Variants in BMPER observed in about 807,000 individuals in gnomAD.
BMPER encodes the protein BMP-binding endothelial regulator protein.
Under a neutral mutation model 87.3 loss-of-function variants are expected in BMPER, and 45 were observed. The observed-to-expected ratio is 0.52, with a 90% CI of 0.41 to 0.66. The LOEUF (loss-of-function observed/expected upper bound fraction) is 0.66, where lower values mean the gene tolerates loss of function less well. BMPER is among the 30% of genes least tolerant of loss of function. The pLI is 0.00. For missense variants in BMPER, 784 were observed against 867.5 expected (o/e 0.90, Z 1.21); for synonymous variants, 326 against 316.2 (o/e 1.03, Z -0.33).
intron 7 of BMPER, among the ~76,000 whole-genome samples, chr7:34,047,022 T>G (rs1787993500): frequency 1.3e-5 from 2 of 152,010 alleles, no homozygotes; most frequent in Non-Finnish European, 2.9e-5. Flanking sequence ...TATTATTAAT[T>G]TTATTATACT....
At chr7:33,912,876 CAAT>C (rs1257056788) in intron 2 of BMPER, among the ~76,000 whole-genome samples, 2 of 152,132 alleles carry the variant, frequency 1.3e-5, no homozygotes, top group Non-Finnish European at 2.9e-5. Flanking sequence ...GTTATAAATT[CAAT>C]AATATTATTC....
intron 13 of BMPER, among the ~76,000 whole-genome samples, chr7:34,122,878 G>A (rs1156609879): frequency 6.6e-6 from 1 of 152,170 alleles, no homozygotes; most frequent in African/African-American, 2.4e-5. Context: ...CGTTTGCAAA[G>A]GTCAGGGGGA....
chr7:33,935,049 T>C (rs1208783584), intron 2 of BMPER, among the ~76,000 whole-genome samples: 1 of 152,218 alleles, frequency 6.6e-6, no homozygotes, highest in Non-Finnish European at 1.5e-5. Flanking sequence ...GGAGAGATTA[T>C]TAATTTGTAA....
At chr7:33,905,303 C>A (rs574779300), upstream of BMPER, among the ~76,000 whole-genome samples, 209 of 151,954 alleles carry the variant, frequency 1.4e-3, 4 homozygotes, top group South Asian at 0.038. Context: ...TTCCTCCTGG[C>A]CCCCTCTCCG....
chr7:34,021,690 A>G (rs1787191726), intron 6 of BMPER, among the ~76,000 whole-genome samples: 1 of 152,034 alleles, frequency 6.6e-6, no homozygotes, highest in Non-Finnish European at 1.5e-5. Context: ...CCACTGGCTT[A>G]TATTCATGGG....
intron 6 of BMPER, among the ~76,000 whole-genome samples, chr7:34,035,666 CAAG>C (rs1787644180): frequency 6.6e-6 from 1 of 152,186 alleles, no homozygotes; most frequent in African/African-American, 2.4e-5. Context: ...GACAACCCAA[CAAG>C]AAGGTGTTTA....
At position 34,153,521 on chromosome 7, in the gene BMPER, T is replaced by C. The variant is rs553014198; in HGVS notation, c.*248T>C. 5 of 463,390 alleles carry C rather than the reference T, an allele frequency of 1.1e-5. No individual in the cohort carries two copies. Among genetic ancestry groups the C allele is most frequent in the Middle Eastern group, 6.1e-4 (1 of 1,652 alleles). 28.7% of individuals were successfully genotyped at this position (463,390 alleles called of 1,614,324 possible). A position where few individuals can be genotyped will look rare whatever the true frequency, so the allele number is the denominator to read the frequency against. Reference sequence around the variant, plus strand: ...TCTAGGATCCTAACCTGTAAGCCATTGAACATGTTGTATAAATACACCAGG... The same window carrying C: ...TCTAGGATCCTAACCTGTAAGCCATCGAACATGTTGTATAAATACACCAGG... On this transcript the variant is annotated 3_prime_UTR_variant, in exon 15 of 15. Transcript: ENST00000649409.
intron 13 of BMPER, among the ~76,000 whole-genome samples, chr7:34,129,631 AG>A (rs1790518126): frequency 8.1e-6 from 1 of 123,976 alleles, no homozygotes; most frequent in South Asian, 2.6e-4. Context: ...AGAGAAAGAG[AG>A]AAAGAAAGAA....
chr7:34,151,094 C>T (rs1463971117), intron 14 of BMPER, among the ~76,000 whole-genome samples: 1 of 152,106 alleles, frequency 6.6e-6, no homozygotes, highest in Non-Finnish European at 1.5e-5. Context: ...GATCAAGGCA[C>T]TGGAGTCCAC....
intron 8 of BMPER, among the ~76,000 whole-genome samples, 156 bp downstream of exon 8, chr7:34,052,126 G>A (rs1049320334): frequency 3.3e-5 from 5 of 152,272 alleles, no homozygotes; most frequent in African/African-American, 1.2e-4. Flanking sequence ...AGGTCACCAA[G>A]GACTTACACA....
At chr7:33,947,255 AATG>A (rs1459996205) in intron 3 of BMPER, among the ~76,000 whole-genome samples, 2 of 152,172 alleles carry the variant, frequency 1.3e-5, no homozygotes, top group Non-Finnish European at 2.9e-5. Context: ...CATGAACAAT[AATG>A]TGTTTGTTAT....
chr7:33,999,115 T>G (rs1281856163), intron 6 of BMPER, among the ~76,000 whole-genome samples: 1 of 152,246 alleles, frequency 6.6e-6, no homozygotes, highest in Admixed American at 6.5e-5. Flanking sequence ...ACCATTCTCT[T>G]ACATGTTCCC....
chr7:33,947,163 T>A (rs952231373), intron 3 of BMPER, among the ~76,000 whole-genome samples: 2 of 152,190 alleles, frequency 1.3e-5, no homozygotes, highest in Non-Finnish European at 2.9e-5. Context: ...ACAAATGAGA[T>A]CATCAGGAGT....
intron 13 of BMPER, among the ~76,000 whole-genome samples, chr7:34,124,313 T>G (rs1397337548): frequency 6.6e-6 from 1 of 152,190 alleles, no homozygotes; most frequent in Non-Finnish European, 1.5e-5. Context: ...TATGTTGTAT[T>G]TTATTATATT....
At chr7:33,927,794 A>G (rs1230666598) in intron 2 of BMPER, among the ~76,000 whole-genome samples, 1 of 152,220 alleles carries the variant, frequency 6.6e-6, no homozygotes, top group Non-Finnish European at 1.5e-5. Context: ...TCCTACAGGT[A>G]GTTGGAGTTG....
At chr7:33,948,023 C>A (rs976464194) in intron 3 of BMPER, among the ~76,000 whole-genome samples, 1 of 152,140 alleles carries the variant, frequency 6.6e-6, no homozygotes, top group African/African-American at 2.4e-5. Context: ...ATTGAGTTAG[C>A]CATGTGCCAG....
At chr7:34,139,907 A>G (rs1252678592) in intron 13 of BMPER, among the ~76,000 whole-genome samples, 1 of 152,134 alleles carries the variant, frequency 6.6e-6, no homozygotes, top group African/African-American at 2.4e-5. Context: ...GAAAATTCCT[A>G]GGTTTGAAGC....
intron 14 of BMPER, among the ~76,000 whole-genome samples, chr7:34,147,659 G>A (rs1372101984): frequency 4.6e-5 from 7 of 152,012 alleles, no homozygotes; most frequent in East Asian, 1.9e-4. Context: ...TAGTAGAGAC[G>A]GGGTTTCTCC....
At chr7:34,040,861 C>A (rs1289725117) in intron 6 of BMPER, among the ~76,000 whole-genome samples, 4 of 152,016 alleles carry the variant, frequency 2.6e-5, no homozygotes, top group Admixed American at 2.6e-4. Context: ...GAGGAGAAGA[C>A]AACATGAAAG....
Sources: gnomAD v4.1 joint callset for allele counts (sites outside exome capture counted in the v4.1 genomes callset) on GRCh38, gnomAD v4.1.1 for gene constraint, MANE v1.5 for transcripts, NCBI Gene and HGNC (gene_info 2026-07-23, HGNC 2026-07-21) for gene names.